Variants in TEDC2 observed in about 807,000 individuals in gnomAD.
The protein encoded by TEDC2 is tubulin epsilon and delta complex 2.
Under a neutral mutation model 48.1 loss-of-function variants are expected in TEDC2, and 49 were observed. The observed-to-expected ratio is 1.02, with a 90% CI of 0.81 to 1.29. The LOEUF (loss-of-function observed/expected upper bound fraction) is 1.29. Among genes scored for constraint, TEDC2 ranks in the 50% most tolerant of loss-of-function variants. The pLI, the probability that TEDC2 is intolerant of heterozygous loss-of-function variation, is 0.00. For missense variants in TEDC2, 631 were observed against 571.4 expected, an observed-to-expected ratio of 1.10 and a Z score of -1.06; for synonymous variants, 299 against 247.1, an observed-to-expected ratio of 1.21 and a Z score of -1.97.
intron 1 of TEDC2, 45 bp from the exon 2 acceptor site, chr16:2,460,238 G>A: frequency 6.7e-7 from 1 of 1,487,084 alleles, no homozygotes; most frequent in Non-Finnish European, 8.9e-7. Context: ...CGGGGCCCGA[G>A]GCCCGACGCT....
chr16:2,463,495 C>T (rs368782238), intron 8 of TEDC2, among the ~76,000 whole-genome samples: 77 of 149,402 alleles, frequency 5.2e-4, no homozygotes, highest in East Asian at 1.6e-3. Context: ...GGTATGATGG[C>T]GCACACCTGT....
At chr16:2,462,054 C>A in intron 5 of TEDC2, 95 bp from the exon 6 acceptor site, 1 of 1,408,728 alleles carries the variant, frequency 7.1e-7, no homozygotes, top group Non-Finnish European at 9.9e-7. Context: ...GGGGTCCCCA[C>A]CCTGGCCCTT....
In TEDC2 at chr16:2,464,542, C is replaced by T. The variant is rs560387871; in HGVS notation, c.1176C>T (p.Leu392=). The change falls in exon 10 of 10, where the codon CTC becomes CTT. Residue 392 remains leucine (L), a synonymous_variant. Transcript: ENST00000361837. ...CCCAGGTCCTGATGGCTGAACTCCT[C>T]CCCCTGGTAAGCGCTGCACAGCCGC... ...HLEKVLMAEL[L]PLVSAAQPQG... The T allele has an allele frequency of 1.3e-6, 2 of 1,582,290 alleles. No individual in the cohort carries two copies. Among genetic ancestry groups the T allele is most frequent in the Non-Finnish European group, 1.7e-6 (2 of 1,170,398 alleles).
chr16:2,464,602 G>A lies in TEDC2; in HGVS notation c.1236G>A (p.Val412=). Residue 412 remains valine, a synonymous_variant, in exon 10 of 10, where the codon GTG becomes GTA. Transcript: ENST00000361837. ...GPPWLALCRA[V]HSLLCEGGAR... ...CCTGGCTGGCCCTGTGCCGGGCTGT[G>A]CACAGCCTGCTCTGCGAGGGAGGAG... The A allele has an allele frequency of 6.2e-7, 1 of 1,611,506 alleles. No homozygotes were observed. Among genetic ancestry groups the A allele is most frequent in the Non-Finnish European group, 8.5e-7 (1 of 1,179,932 alleles).
intron 6 of TEDC2, 42 bp from the exon 7 acceptor site, chr16:2,462,373 A>G: frequency 6.2e-7 from 1 of 1,606,986 alleles, no homozygotes. Context: ...GTGGGAGCAG[A>G]GGGGCTTTGG....
chr16:2,462,719 G>C lies in TEDC2; in HGVS notation c.951G>C (p.Gln317His), dbSNP rs1417720672. The change falls in exon 8 of 10, where the codon CAG (glutamine) becomes CAC (histidine). Residue 317 changes from glutamine to histidine, a missense_variant. By Grantham distance (24) the Gln-to-His change is conservative (BLOSUM62 0). Coordinates refer to ENST00000361837, the MANE Select transcript of TEDC2 (RefSeq NM_025108.3). ...AMVGQCLHRL[Q>H]ELRAAVAEQP... ...TGGGCCAGTGTCTGCACAGGCTGCA[G>C]GAGCTGCGTGCAGGTGAGACCCCGC... The C allele has an allele frequency of 1.9e-6, 3 of 1,542,102 alleles. No individual in the cohort carries two copies. The highest frequency in any genetic ancestry group is 2.0e-5 in the Admixed American group (1 of 50,906).
At chr16:2,460,551 G>A in intron 2 of TEDC2, 72 bp from the exon 3 acceptor site, 1 of 1,577,246 alleles carries the variant, frequency 6.3e-7, no homozygotes, top group South Asian at 1.1e-5. Context: ...CGCGGGGCCC[G>A]GCGGCCCCCT....
At chr16:2,462,930 TTCCTC>T (rs2065476285) in intron 8 of TEDC2, among the ~76,000 whole-genome samples, 198 bp downstream of exon 8, 1 of 152,190 alleles carries the variant, frequency 6.6e-6, no homozygotes, top group Non-Finnish European at 1.5e-5. Flanking sequence ...GCAGTCAGCC[TTCCTC>T]TCCTCCTCAG....
At chr16:2,461,930 T>A in intron 5 of TEDC2, 130 bp downstream of exon 5, 1 of 1,297,342 alleles carries the variant, frequency 7.7e-7, no homozygotes, top group Non-Finnish European at 1.1e-6. Context: ...ACTGTCGATG[T>A]TAAAAATCTG....
chr16:2,460,607 G>A lies in TEDC2; in HGVS notation c.126-16G>A. On this transcript the variant is annotated splice_polypyrimidine_tract_variant and intron_variant, in intron 2 of 9. Transcript: ENST00000361837. ...CCTGCCTCCTGGCCGTGCGACGGCT[G>A]CCCGTGTCTTTGCAGGGAACCAACT... The A allele has an allele frequency of 6.2e-7, 1 of 1,612,542 alleles. No individual in the cohort carries two copies. The highest frequency in any genetic ancestry group is 8.5e-7 in the Non-Finnish European group (1 of 1,179,796).
chr16:2,462,160 A>C lies in TEDC2; in HGVS notation c.671A>C (p.Gln224Pro). 2 of 1,613,166 alleles carry C rather than the reference A, an allele frequency of 1.2e-6. No homozygotes were observed. The highest frequency in any genetic ancestry group is 1.7e-6 in the Non-Finnish European group (2 of 1,180,018). Reference sequence around the variant, plus strand: ...CGTGTGCACCCCAGCCTGTGGGCCCAGCTCAGTTCCACACAGACCAGTGAT... The same window carrying C: ...CGTGTGCACCCCAGCCTGTGGGCCCCGCTCAGTTCCACACAGACCAGTGAT... Reference protein sequence around the residue: ...AASQNSSLWAQLSSTQTSDST... With the variant: ...AASQNSSLWAPLSSTQTSDST... The change falls in exon 6 of 10, where the codon CAG (glutamine) becomes CCG (proline). Residue 224 changes from glutamine (Q) to proline (P), a missense_variant. Coordinates refer to ENST00000361837, the MANE Select transcript of TEDC2 (RefSeq NM_025108.3).
At position 2,460,370 on chromosome 16, in the gene TEDC2, G is replaced by A. The variant is rs201277594; in HGVS notation, c.114G>A (p.Leu38=). The A allele has an allele frequency of 5.1e-3, 7,850 of 1,544,672 alleles. 36 individuals are homozygous for A. Among genetic ancestry groups the A allele is most frequent in the Non-Finnish European group, 5.9e-3 (6,732 of 1,146,266 alleles). ...AGAGCCTGCGCGTTTGCCGTCGGCT[G>A]CTGCATGCCTGGTACGCGGACCCCG... is the stretch of plus-strand genomic sequence containing the variant. The part of the protein sequence containing the change: ...LEQSLRVCRR[L]LHAWEPTGTR... Residue 38 remains leucine (L), a synonymous_variant, in exon 2 of 10, where the codon CTG becomes CTA. Coordinates refer to ENST00000361837, the MANE Select transcript of TEDC2 (RefSeq NM_025108.3).
At chr16:2,462,380 T>C in intron 6 of TEDC2, 35 bp from the exon 7 acceptor site, 1 of 1,609,582 alleles carries the variant, frequency 6.2e-7, no homozygotes, top group East Asian at 2.2e-5. Flanking sequence ...CAGAGGGGCT[T>C]TGGCTGCAGG....
At position 2,460,363 on chromosome 16, in the gene TEDC2, G is replaced by A. The variant is rs1254484606; in HGVS notation, c.107G>A (p.Arg36His). 8 of 1,544,184 alleles carry A rather than the reference G, an allele frequency of 5.2e-6. No homozygotes were observed. In the South Asian group the frequency reaches 8.3e-5, roughly 16 times the overall value. ...TTGGAGCAGAGCCTGCGCGTTTGCC[G>A]TCGGCTGCTGCATGCCTGGTACGCG... ...LQLEQSLRVC[R>H]RLLHAWEPTG... is the part of the protein sequence containing the mutation. The change falls in exon 2 of 10, where the codon CGT becomes CAT. Residue 36 changes from arginine to histidine, a missense_variant. Transcript: ENST00000361837.
rs1387761210 is a variant in TEDC2 at position 2,462,539 on chromosome 16, T to C, written c.862+13T>C. On this transcript the variant is annotated intron_variant, in intron 7 of 9. Transcript: ENST00000361837. ...GAGCTCTCGGCAGGTCAGTGGGTCC[T>C]GGGTCTGTATCAGGAGGAGTGTGGA... is the stretch of plus-strand genomic sequence containing the variant. The C allele has an allele frequency of 1.9e-6, 3 of 1,587,652 alleles. No individual in the cohort carries two copies. Among genetic ancestry groups the C allele is most frequent in the African/African-American group, 2.7e-5 (2 of 74,536 alleles).
At chr16:2,461,441 C>T (rs1029414054) in intron 4 of TEDC2, 1 of 679,818 alleles carries the variant, frequency 1.5e-6, no homozygotes, top group Non-Finnish European at 2.4e-6. Flanking sequence ...AGCCTGTCCT[C>T]CTCTCTTCTC....
chr16:2,463,326 A>C (rs955207265), intron 8 of TEDC2, among the ~76,000 whole-genome samples: 1 of 138,400 alleles, frequency 7.2e-6, no homozygotes, highest in Non-Finnish European at 1.5e-5. Context: ...GTCTCAGAAA[A>C]AGAAAAAGTA....
rs62040706 is a variant in TEDC2 at position 2,460,829 on chromosome 16, T to C, written c.210T>C (p.Ser70=). 6.2e-7 allele frequency: 1 copy of C among 1,612,610 alleles called. No individual in the cohort carries two copies. The highest frequency in any genetic ancestry group is 8.5e-7 in the Non-Finnish European group (1 of 1,179,608). Residue 70 remains serine, a synonymous_variant, in exon 4 of 10, where the codon AGT becomes AGC. Coordinates refer to ENST00000361837, the MANE Select transcript of TEDC2 (RefSeq NM_025108.3). ...GEDPLPACTP[S]PQDLKELEFL... is the part of the protein sequence containing the mutation. ...TGGCTTTCACAGCATGCACACCCAG[T>C]CCACAAGACCTCAAAGAGTTGGAGT...
rs2065473441 is a variant in TEDC2 at position 2,462,537 on chromosome 16, C to T, written c.862+11C>T. On this transcript the variant is annotated intron_variant, in intron 7 of 9. Transcript: ENST00000361837. ...AGGAGCTCTCGGCAGGTCAGTGGGT[C>T]CTGGGTCTGTATCAGGAGGAGTGTG... 2 of 1,589,256 alleles carry T rather than the reference C, an allele frequency of 1.3e-6. No homozygotes were observed. The highest frequency in any genetic ancestry group is 1.7e-6 in the Non-Finnish European group (2 of 1,168,418).
Sources: allele counts gnomAD v4.1 joint callset (sites outside exome capture counted in the v4.1 genomes callset), GRCh38; gene constraint gnomAD v4.1.1; transcripts MANE v1.5; gene names NCBI Gene and HGNC (gene_info 2026-07-23, HGNC 2026-07-21).